The following NYX variants were observed in gnomAD, a reference collection of about 807,000 sequenced individuals.
NYX encodes leucine-rich repeat protein.
For synonymous variants in NYX, 258 were observed against 245.7 expected, an observed-to-expected ratio of 1.05 and a Z score of -0.47; for missense variants, 481 against 485.4, an observed-to-expected ratio of 0.99 and a Z score of 0.09.
In NYX at chrX:41,474,549, G is replaced by C. The variant is rs943712452; in HGVS notation, c.1081G>C (p.Gly361Arg). 2 of 1,199,910 alleles carry C rather than the reference G, an allele frequency of 1.7e-6. No individual in the cohort carries two copies. The highest frequency in any genetic ancestry group is 2.2e-6 in the Non-Finnish European group (2 of 890,627). The change falls in exon 3 of 3, where the codon GGC (glycine) becomes CGC (arginine). Residue 361 changes from glycine (G) to arginine (R), a missense_variant. Gly to Arg is a moderately radical substitution (Grantham distance 125, BLOSUM62 -2). Coordinates refer to ENST00000378220, the MANE Select transcript of NYX (RefSeq NM_001378477.3). ...CACCGACGTGCCGTGCGCCTCCCCG[G>C]GCTCCGTGGCCGGCCTGGACCTCAG... ...RVTDVPCASP[G>R]SVAGLDLSQV... is the part of the protein sequence containing the mutation.
Position 41,473,496 on chromosome X carries a change from G to C in NYX, c.28G>C (p.Val10Leu). Residue 10 changes from valine (V) to leucine (L), a missense_variant, in exon 3 of 3, where the codon GTC becomes CTC. Coordinates refer to ENST00000378220, the MANE Select transcript of NYX (RefSeq NM_001378477.3). MLVLLLHAV[V>L]LGLPSAWAVG... ...CCACCACCCTGTCCCCGCAGCGGTG[G>C]TCCTCGGCCTGCCCAGCGCCTGGGC... 1 of 980,017 alleles carries C rather than the reference G, an allele frequency of 1.0e-6. No homozygotes were observed. Among genetic ancestry groups the C allele is most frequent in the East Asian group, 4.5e-5 (1 of 22,361 alleles). The allele number at this position is 980,017 out of a possible 1,213,427, so 80.8% of individuals were successfully genotyped here. A position where few individuals can be genotyped will look rare whatever the true frequency, so the allele number is the denominator to read the frequency against.
intron 2 of NYX, among the ~76,000 whole-genome samples, chrX:41,456,966 A>G (rs944282550): frequency 9.9e-5 from 11 of 111,162 alleles, no homozygotes; most frequent in Admixed American, 1.9e-4. Flanking sequence ...GGAGGGGATT[A>G]GGTCCTGAGA....
chrX:41,471,822 T>C (rs2064361055), intron 2 of NYX, among the ~76,000 whole-genome samples: 1 of 56,491 alleles, frequency 1.8e-5, no homozygotes. Context: ...CTGGTGTATA[T>C]ATATATATGT....
In NYX at chrX:41,475,258, C is replaced by A. The variant is rs1461580086; in HGVS notation, c.*359C>A. 2 of 259,939 alleles carry A rather than the reference C, an allele frequency of 7.7e-6. No individual in the cohort carries two copies. The highest frequency in any genetic ancestry group is 1.4e-5 in the Non-Finnish European group (2 of 145,904). 21.4% of individuals were successfully genotyped at this position (259,939 alleles called of 1,213,427 possible). Reference sequence around the variant, plus strand: ...TGCAAGGCCTGAATTAGAGAGACTTCCATTGGCTAAGTAGTTAAGAGCCGT... The same window carrying A: ...TGCAAGGCCTGAATTAGAGAGACTTACATTGGCTAAGTAGTTAAGAGCCGT... On this transcript the variant is annotated 3_prime_UTR_variant, in exon 3 of 3. Transcript: ENST00000378220.
chrX:41,448,229 C>G (rs189130969), intron 2 of NYX, among the ~76,000 whole-genome samples: 2 of 111,598 alleles, frequency 1.8e-5, no homozygotes, highest in Admixed American at 1.9e-4. Context: ...AGCTACAGTG[C>G]TACAGTGTTT....
chrX:41,472,472 G>A, intron 2 of NYX: 4 of 809,950 alleles, frequency 4.9e-6, no homozygotes, highest in Admixed American at 4.7e-5. Context: ...ATCCCGAAGG[G>A]CGGCTCGGGC....
intron 2 of NYX, among the ~76,000 whole-genome samples, chrX:41,459,622 G>GA (rs147415599): frequency 0.28 from 29,519 of 105,174 alleles, 3,626 homozygotes; most frequent in South Asian, 0.56. Context: ...CTGTCTTGGG[G>GA]AAAAAAAAAG....
chrX:41,451,039 T>C (rs888862250), intron 2 of NYX, among the ~76,000 whole-genome samples: 1 of 107,185 alleles, frequency 9.3e-6, no homozygotes, highest in Non-Finnish European at 1.9e-5. Context: ...GCCAGGCTGG[T>C]CTCAAACTCC....
At position 41,474,670 on chromosome X, in the gene NYX, C is replaced by G. The variant is rs34169326; in HGVS notation, c.1202C>G (p.Ala401Gly). Residue 401 changes from alanine (A) to glycine (G), a missense_variant, in exon 3 of 3, where the codon GCG becomes GGG. Coordinates refer to ENST00000378220, the MANE Select transcript of NYX (RefSeq NM_001378477.3). ...TSSPGPSPEP[A>G]ATTVSRFSSL... ...AGTCCAGGCCCGTCCCCAGAACCAG[C>G]GGCCACCACCGTGAGCAGGTTCAGC... 1,426 of 1,196,083 alleles carry G rather than the reference C, an allele frequency of 1.2e-3. 13 individuals are homozygous for G. In the African/African-American group the frequency reaches 0.023, roughly 19 times the overall value.
At position 41,473,722 on chromosome X, in the gene NYX, G is replaced by A. The variant is rs771871698; in HGVS notation, c.254G>A (p.Arg85His). 2 of 1,152,703 alleles carry A rather than the reference G, an allele frequency of 1.7e-6. No individual in the cohort carries two copies. The highest frequency in any genetic ancestry group is 3.7e-5 in the African/African-American group (2 of 54,108). 95.0% of individuals were successfully genotyped at this position (1,152,703 alleles called of 1,213,427 possible). The change falls in exon 3 of 3, where the codon CGC becomes CAC. Residue 85 changes from arginine to histidine, a missense_variant. Physicochemically the swap from Arg to His is conservative, Grantham distance 29. Transcript: ENST00000378220. ...RAFGTLPSLR[R>H]LSLRHNNLSF... is the part of the protein sequence containing the mutation. The stretch of plus-strand genomic sequence containing the variant: ...TTCGGCACGCTGCCGTCCTTGCGCC[G>A]CCTGTCGCTGCGCCACAACAACCTG...
chrX:41,457,619 C>G (rs978313714), intron 2 of NYX, among the ~76,000 whole-genome samples: 5 of 111,658 alleles, frequency 4.5e-5, no homozygotes, highest in African/African-American at 1.3e-4. Context: ...CAAACTCCAG[C>G]CCCAAAGCTA....
At chrX:41,468,302 T>G (rs1313863311) in intron 2 of NYX, among the ~76,000 whole-genome samples, 1 of 107,566 alleles carries the variant, frequency 9.3e-6, no homozygotes, top group Non-Finnish European at 1.9e-5. Flanking sequence ...TTTTTTTTTT[T>G]TTTTTTTGAG....
intron 2 of NYX, among the ~76,000 whole-genome samples, chrX:41,464,946 A>G (rs1387009489): frequency 9.0e-6 from 1 of 110,663 alleles, no homozygotes; most frequent in Non-Finnish European, 1.9e-5. Context: ...GTTTATGAAG[A>G]TTTTCTTCTG....
At chrX:41,454,178 CA>C (rs773156830) in intron 2 of NYX, among the ~76,000 whole-genome samples, 1 of 111,933 alleles carries the variant, frequency 8.9e-6, no homozygotes, top group East Asian at 2.8e-4. Flanking sequence ...CAAAGCTCCA[CA>C]AGGTGATTCT....
chrX:41,472,005 C>CG (rs2064362689), intron 2 of NYX, among the ~76,000 whole-genome samples: 1 of 110,491 alleles, frequency 9.1e-6, no homozygotes, highest in African/African-American at 3.3e-5. Flanking sequence ...GCAATGGCAT[C>CG]AGGCCCATAT....
At position 41,473,789 on chromosome X, in the gene NYX, G is replaced by A. The variant is rs755957370; in HGVS notation, c.321G>A (p.Leu107=). ...GCGCCTTCAAGGGCCTGCCGCGCCT[G>A]GCTGAGCTGCGCCTGGCGCACAACG... ...TPGAFKGLPR[L]AELRLAHNGD... Residue 107 remains leucine (L), a synonymous_variant, in exon 3 of 3, where the codon CTG becomes CTA. Transcript: ENST00000378220. 2.6e-6 allele frequency: 3 copies of A among 1,137,727 alleles called. No homozygotes were observed. Among genetic ancestry groups the A allele is most frequent in the Non-Finnish European group, 3.5e-6 (3 of 864,974 alleles). 93.8% of individuals were successfully genotyped at this position (1,137,727 alleles called of 1,213,427 possible).
In NYX at chrX:41,474,066, C is replaced by G. The variant is rs1284508387; in HGVS notation, c.598C>G (p.Leu200Val). 6 of 1,077,283 alleles carry G rather than the reference C, an allele frequency of 5.6e-6. No individual in the cohort carries two copies. Among genetic ancestry groups the G allele is most frequent in the Non-Finnish European group, 7.2e-6 (6 of 837,169 alleles). 88.8% of individuals were successfully genotyped at this position (1,077,283 alleles called of 1,213,427 possible). A position where few individuals can be genotyped will look rare whatever the true frequency, so the allele number is the denominator to read the frequency against. Reference protein sequence around the residue: ...EAVASSSLQGLRRLRSLSLQA... With the variant: ...EAVASSSLQGVRRLRSLSLQA... ...GGTGGCCTCCAGCTCGCTGCAGGGC[C>G]TGCGCCGCCTGCGCTCGCTCAGCCT... Residue 200 changes from leucine (L) to valine (V), a missense_variant, in exon 3 of 3, where the codon CTG (leucine) becomes GTG (valine). By Grantham distance (32) the Leu-to-Val change is conservative. Coordinates refer to ENST00000378220, the MANE Select transcript of NYX (RefSeq NM_001378477.3).
At chrX:41,467,230 A>AT (rs1047077786) in intron 2 of NYX, among the ~76,000 whole-genome samples, 2 of 110,120 alleles carry the variant, frequency 1.8e-5, no homozygotes, top group African/African-American at 3.3e-5. Context: ...TATTAAAAGA[A>AT]TTTTTTTTTG....
intron 2 of NYX, among the ~76,000 whole-genome samples, chrX:41,466,418 T>C (rs1228262471): frequency 1.8e-5 from 2 of 109,853 alleles, no homozygotes; most frequent in Non-Finnish European, 3.8e-5. Context: ...GAAGAGACCC[T>C]GTCTAAAAAA....
Sources: allele counts gnomAD v4.1 joint callset (sites outside exome capture counted in the v4.1 genomes callset), GRCh38; gene constraint gnomAD v4.1.1; transcripts MANE v1.5; gene names NCBI Gene and HGNC (gene_info 2026-07-23, HGNC 2026-07-21).